RPL17: variants seen among roughly 807,000 people sequenced by gnomAD.
RPL17 encodes the protein ribosomal protein L17.
A neutral mutation model predicts 27.7 loss-of-function variants in RPL17; 2 were observed. That is an observed-to-expected ratio of 0.07 (90% CI 0.03 to 0.23). The LOEUF (loss-of-function observed/expected upper bound fraction) is 0.23. RPL17 is among the 10% of genes least tolerant of loss of function. RPL17 has a pLI of 1.00. For synonymous variants in RPL17, 76 were observed against 75.5 expected (o/e 1.01, Z -0.03); for missense variants, 141 against 238.8 (o/e 0.59, Z 2.70).
intron 4 of RPL17, 65 bp from the exon 5 acceptor site, chr18:49,490,617 A>C: frequency 6.2e-7 from 1 of 1,608,414 alleles, no homozygotes; most frequent in South Asian, 1.1e-5. Flanking sequence ...GCCAAGATGA[A>C]TTTATCTGAT....
intron 2 of RPL17, 24 bp from the exon 3 acceptor site, chr18:49,491,469 A>C (rs2084069397): frequency 6.2e-7 from 1 of 1,613,980 alleles, no homozygotes. Context: ...CGTTTTGGTT[A>C]ATTTTTGGTA....
At chr18:49,490,590 TTTAAA>T (rs749881606) in intron 4 of RPL17, 38 bp from the exon 5 acceptor site, 1 of 1,612,742 alleles carries the variant, frequency 6.2e-7, no homozygotes, top group Non-Finnish European at 8.5e-7. Flanking sequence ...TTTTCCTTGA[TTTAAA>T]TTAACATTAC....
intron 5 of RPL17, chr18:49,490,134 C>T: frequency 3.5e-6 from 1 of 284,030 alleles, no homozygotes; most frequent in Non-Finnish European, 6.7e-6. Context: ...ATCATACTAC[C>T]AAAGGTGTAT....
intron 1 of RPL17, 79 bp from the exon 2 acceptor site, chr18:49,491,663 A>G (rs747734918): frequency 4.0e-6 from 6 of 1,511,122 alleles, no homozygotes; most frequent in Non-Finnish European, 5.5e-6. Flanking sequence ...TGATTCGAAC[A>G]GCTGCTCAGA....
rs912338898 is a variant in RPL17, at chr18:49,490,476, G to A, written c.293C>T (p.Ala98Val). 6.8e-6 allele frequency: 11 copies of A among 1,613,982 alleles called. No individual in the cohort carries two copies. The highest frequency in any genetic ancestry group is 8.5e-6 in the Non-Finnish European group (10 of 1,179,870). Reference protein sequence around the residue: ...AEFLLHMLKNAESNAELKGLD... With the variant: ...AEFLLHMLKNVESNAELKGLD... ...TACCTTAAGTTCAGCATTACTCTCT[G>A]CGTTTTTAAGCATGTGCAGCAAAAA... is the stretch of plus-strand genomic sequence containing the variant. Residue 98 changes from alanine (A) to valine (V), a missense_variant, in exon 5 of 7, where the codon GCA (alanine) becomes GTA (valine). By Grantham distance (64) the Ala-to-Val change is moderately conservative (BLOSUM62 0). Transcript: ENST00000580261.
intron 6 of RPL17, 170 bp downstream of exon 6, chr18:49,489,189 A>ATTT: frequency 1.5e-6 from 1 of 670,566 alleles, no homozygotes; most frequent in Admixed American, 3.0e-5. Flanking sequence ...AAAACTTACC[A>ATTT]TTTATTATTA....
Position 49,490,848 on chromosome 18 carries a change from T to C in RPL17, c.161A>G (p.Gln54Arg). The change falls in exon 4 of 7, where the codon CAG becomes CGG. Residue 54 changes from glutamine to arginine, a missense_variant. By Grantham distance (43) the Gln-to-Arg change is conservative. Transcript: ENST00000580261. The stretch of plus-strand genomic sequence containing the variant: ...ACGTCGGAATGGTACACACTGTTTC[T>C]GTAAAGTGACATCTTTCAGATACTT... ...ATKYLKDVTL[Q>R]KQCVPFRRYN... 2 of 1,613,478 alleles carry C rather than the reference T, an allele frequency of 1.2e-6. No individual in the cohort carries two copies. Among genetic ancestry groups the C allele is most frequent in the South Asian group, 2.2e-5 (2 of 91,060 alleles).
At chr18:49,488,667 T>G (rs1007732495) in intron 6 of RPL17, 101 bp from the exon 7 acceptor site, 103 of 717,926 alleles carry the variant, frequency 1.4e-4, no homozygotes, top group Admixed American at 2.9e-4. Context: ...CGTTAAGGAC[T>G]AAGGGGGAAA....
intron 6 of RPL17, 92 bp from the exon 7 acceptor site, chr18:49,488,658 G>A (rs1003263502): frequency 1.2e-5 from 9 of 768,522 alleles, no homozygotes; most frequent in African/African-American, 1.0e-4. Context: ...AAACCTAGTC[G>A]TTAAGGACTA....
intron 6 of RPL17, 37 bp downstream of exon 6, chr18:49,489,322 T>C: frequency 6.2e-7 from 1 of 1,609,924 alleles, no homozygotes; most frequent in Non-Finnish European, 8.5e-7. Context: ...CAAATCTTTC[T>C]ACTATCACAA....
intron 3 of RPL17, 142 bp from the exon 4 acceptor site, chr18:49,491,069 C>CT (rs2148823388): frequency 1.5e-6 from 2 of 1,365,894 alleles, no homozygotes. Flanking sequence ...AAACTTGTGA[C>CT]TAAAAGCCAG....
intron 1 of RPL17, 159 bp from the exon 2 acceptor site, chr18:49,491,743 C>T: frequency 1.0e-6 from 1 of 969,548 alleles, no homozygotes; most frequent in Non-Finnish European, 1.7e-6. Flanking sequence ...TACTTTCCCC[C>T]ACCAAGGGCT....
rs2083898812 is a variant in RPL17, at chr18:49,489,479, G to A, written c.387C>T (p.Thr129=). 1 of 1,604,508 alleles carries A rather than the reference G, an allele frequency of 6.2e-7. No homozygotes were observed. The highest frequency in any genetic ancestry group is 8.5e-7 in the Non-Finnish European group (1 of 1,179,898). ...VNKAPKMRRR[T]YRAHGRINPY... ...GGTTAATCCGACCATGAGCTCTGTA[G>A]GTCCGGCGGCGCATCTTAGGTGCTT... The change falls in exon 6 of 7, where the codon ACC becomes ACT. Residue 129 remains threonine (T), a synonymous_variant. Coordinates refer to ENST00000580261, the MANE Select transcript of RPL17 (RefSeq NM_001035006.5).
At position 49,490,494 on chromosome 18, in the gene RPL17, A is replaced by T; in HGVS notation, c.275T>A (p.Leu92Gln). 1.2e-6 allele frequency: 2 copies of T among 1,614,050 alleles called. No homozygotes were observed. Among genetic ancestry groups the T allele is most frequent in the Non-Finnish European group, 1.7e-6 (2 of 1,179,900 alleles). The change falls in exon 5 of 7, where the codon CTG becomes CAG. Residue 92 changes from leucine to glutamine, a missense_variant. Leu to Gln is a moderately radical substitution (Grantham distance 113). Around this residue, in one of 2 missense-constraint regions of RPL17, gnomAD observed 107 missense variants for 150.1 expected, o/e 0.71. Coordinates refer to ENST00000580261, the MANE Select transcript of RPL17 (RefSeq NM_001035006.5). ...RWPKKSAEFLLHMLKNAESNA... is the reference protein window; with the variant it reads ...RWPKKSAEFLQHMLKNAESNA... ...ACTCTCTGCGTTTTTAAGCATGTGC[A>T]GCAAAAATTCAGCACTCTTTTTGGG...
Position 49,489,177 on chromosome 18 carries a change from A to G in RPL17, c.507+182T>C, listed in dbSNP as rs2083877150. ...CAGCCTCCCAAAGTGCTGGGATTACAGAAAACTTACCATTTATTATTAGTC... is the reference window on the plus strand; with the variant it reads ...CAGCCTCCCAAAGTGCTGGGATTACGGAAAACTTACCATTTATTATTAGTC... On this transcript the variant is annotated intron_variant, in intron 6 of 6. Transcript: ENST00000580261. The G allele has an allele frequency of 2.0e-5, 12 of 614,978 alleles. No individual in the cohort carries two copies. In the South Asian group the frequency reaches 2.2e-4, roughly 11 times the overall value. The allele number at this position is 614,978 out of a possible 1,614,324, so 38.1% of individuals were successfully genotyped here. A position where few individuals can be genotyped will look rare whatever the true frequency, so the allele number is the denominator to read the frequency against.
chr18:49,491,171 T>C (rs1031320775), intron 3 of RPL17: 1 of 876,808 alleles, frequency 1.1e-6, no homozygotes, highest in Non-Finnish European at 1.8e-6. Context: ...ACAATTAAAA[T>C]GCCCCATCTT....
chr18:49,489,197 T>C, intron 6 of RPL17, 162 bp downstream of exon 6: 2 of 698,328 alleles, frequency 2.9e-6, no homozygotes. Context: ...CCATTTATTA[T>C]TAGTCAAGAA....
chr18:49,489,556 G>A lies in RPL17; in HGVS notation c.316-6C>T. 6.3e-7 allele frequency: 1 copy of A among 1,599,384 alleles called. No homozygotes were observed. Among genetic ancestry groups the A allele is most frequent in the Non-Finnish European group, 8.5e-7 (1 of 1,179,458 alleles). On this transcript the variant is annotated splice_region_variant and splice_polypyrimidine_tract_variant and intron_variant, in intron 5 of 6. Transcript: ENST00000580261. ...AGAGAATCTACATCTAAACCCTGGG[G>A]AAGAAAGGAAGGAGAATGAAACCAG...
intron 6 of RPL17, 34 bp downstream of exon 6, chr18:49,489,325 T>C: frequency 1.2e-6 from 2 of 1,610,960 alleles, no homozygotes; most frequent in Non-Finnish European, 1.7e-6. Flanking sequence ...ATCTTTCTAC[T>C]ATCACAAACA....
Sources: allele counts gnomAD v4.1 joint callset, GRCh38; gene constraint gnomAD v4.1.1; regional missense constraint gnomAD v4.1.1; transcripts MANE v1.5; gene names NCBI Gene and HGNC (gene_info 2026-07-23, HGNC 2026-07-21).